The following ADAMTSL3 variants were observed in gnomAD, a reference collection of about 807,000 sequenced individuals.
ADAMTSL3 encodes ADAMTS-like protein 3.
ADAMTSL3 carries 128 observed loss-of-function variants against 201.7 expected under a neutral mutation model. The ratio of observed to expected loss-of-function variants is 0.63; its 90% CI spans 0.55 to 0.73. The LOEUF is 0.73. ADAMTSL3 is among the 30% of genes least tolerant of loss of function. The pLI is 0.00. For synonymous variants in ADAMTSL3, 738 were observed against 748.4 expected, an observed-to-expected ratio of 0.99 and a Z score of 0.23; for missense variants, 1,990 against 2,119.6, an observed-to-expected ratio of 0.94 and a Z score of 1.20.
chr15:83,685,430 A>G (rs1034746942), intron 2 of ADAMTSL3, among the ~76,000 whole-genome samples: 2 of 152,192 alleles, frequency 1.3e-5, no homozygotes, highest in African/African-American at 4.8e-5. Flanking sequence ...GACAACTGTC[A>G]GATGTTCAGA....
intron 7 of ADAMTSL3, among the ~76,000 whole-genome samples, chr15:83,849,231 A>C (rs928085277): frequency 3.9e-5 from 6 of 152,270 alleles, no homozygotes; most frequent in Non-Finnish European, 7.4e-5. Flanking sequence ...GGTTCAAGGA[A>C]TCCTCCTGCC....
chr15:83,739,800 C>T, intron 3 of ADAMTSL3: 1 of 585,742 alleles, frequency 1.7e-6, no homozygotes, highest in South Asian at 1.4e-5. Flanking sequence ...GAGTACATCT[C>T]CATCCACATT....
intron 3 of ADAMTSL3, among the ~76,000 whole-genome samples, chr15:83,763,449 T>C (rs2062840456): frequency 6.6e-6 from 1 of 151,810 alleles, no homozygotes; most frequent in African/African-American, 2.4e-5. Context: ...ACTCTAGGCC[T>C]CAGAAATCTA....
In ADAMTSL3 at chr15:83,983,027, A is replaced by G. The variant is rs572730466; in HGVS notation, c.3399A>G (p.Pro1133=). ...QLVAELAKAQ[P]THMQWRGIQE... is the part of the protein sequence containing the mutation. The stretch of plus-strand genomic sequence containing the variant: ...TGGCCGAATTAGCCAAGGCACAGCC[A>G]ACACACATGCAGTGGCGGGGCATCC... Residue 1133 remains proline, a synonymous_variant, in exon 21 of 30, where the codon CCA becomes CCG. Coordinates refer to ENST00000286744, the MANE Select transcript of ADAMTSL3 (RefSeq NM_207517.3). 1 of 1,614,194 alleles carries G rather than the reference A, an allele frequency of 6.2e-7. No homozygotes were observed. The highest frequency in any genetic ancestry group is 1.1e-5 in the South Asian group (1 of 91,086).
chr15:83,702,957 C>G (rs1194875513), intron 2 of ADAMTSL3, among the ~76,000 whole-genome samples: 1 of 152,156 alleles, frequency 6.6e-6, no homozygotes, highest in Non-Finnish European at 1.5e-5. Context: ...CCTGTGAAAA[C>G]AGCTGGGAGA....
At chr15:83,943,107 G>A in intron 19 of ADAMTSL3, 25 bp downstream of exon 19, 1 of 1,575,708 alleles carries the variant, frequency 6.3e-7, no homozygotes, top group Non-Finnish European at 8.6e-7. Flanking sequence ...CAACTTTATA[G>A]TCCCTTCTTT....
chr15:84,004,768 A>G (rs1477776289), intron 23 of ADAMTSL3, among the ~76,000 whole-genome samples: 2 of 152,214 alleles, frequency 1.3e-5, no homozygotes, highest in South Asian at 2.1e-4. Flanking sequence ...AGGATCAAGG[A>G]AGTGATTTTG....
chr15:83,663,145 C>T (rs541673156), intron 2 of ADAMTSL3, among the ~76,000 whole-genome samples: 75 of 152,242 alleles, frequency 4.9e-4, no homozygotes, highest in African/African-American at 3.6e-4. Context: ...AGTGAGAAGA[C>T]GGAATGCTTC....
At chr15:83,755,807 G>A (rs1050082742) in intron 3 of ADAMTSL3, among the ~76,000 whole-genome samples, 4 of 151,562 alleles carry the variant, frequency 2.6e-5, no homozygotes, top group Non-Finnish European at 5.9e-5. Flanking sequence ...AGGCTGGAGT[G>A]CAGTGGCATG....
intron 3 of ADAMTSL3, among the ~76,000 whole-genome samples, chr15:83,758,728 TC>T (rs2062760712): frequency 6.6e-6 from 1 of 152,232 alleles, no homozygotes; most frequent in South Asian, 2.1e-4. Context: ...TCTATTCATG[TC>T]TTTTGCCCAA....
chr15:83,669,352 G>T (rs1319041064), intron 2 of ADAMTSL3, among the ~76,000 whole-genome samples: 1 of 149,180 alleles, frequency 6.7e-6, no homozygotes, highest in Non-Finnish European at 1.5e-5. Flanking sequence ...CACCATATTG[G>T]CCAGGCTGGT....
rs1281731708 is a variant in ADAMTSL3 at position 83,823,893 on chromosome 15, C to CT, written c.600+3847dup. Among the ~76,000 whole-genome samples the CT allele has an allele frequency of 1.1e-4, 10 of 93,066 alleles. 1 individual carries two copies. Among genetic ancestry groups the CT allele is most frequent in the African/African-American group, 2.9e-4 (6 of 20,580 alleles). 61.1% of individuals were successfully genotyped at this position (93,066 alleles called of 152,430 possible). ...AGACTCCATTTCCTTCTTCTTCTTC[C>CT]TCTTCTTCTTCTTCTTCTTCTTCTT... is the stretch of plus-strand genomic sequence containing the variant. On this transcript the variant is annotated intron_variant, in intron 6 of 29. Transcript: ENST00000286744.
rs115287585 is a variant in ADAMTSL3 at position 83,697,112 on chromosome 15, A to G, written c.70-7277A>G. The stretch of plus-strand genomic sequence containing the variant: ...CTTGTTTAATTGCAATGGGAATCAC[A>G]TTGTGTTTGTTTTAACTGGTGACTG... On this transcript the variant is annotated intron_variant, in intron 2 of 29. Transcript: ENST00000286744. 6.3e-4 allele frequency among the ~76,000 whole-genome samples: 96 copies of G among 152,236 alleles called. 1 individual carries two copies. The highest frequency in any genetic ancestry group is 2.2e-3 in the African/African-American group (90 of 41,546).
chr15:83,665,607 C>T (rs1460959628), intron 2 of ADAMTSL3, among the ~76,000 whole-genome samples: 3 of 152,174 alleles, frequency 2.0e-5, no homozygotes, highest in Non-Finnish European at 2.9e-5. Flanking sequence ...AGCACCAAAG[C>T]TAACATCTTA....
At chr15:83,758,548 CTGTT>C (rs2062756577) in intron 3 of ADAMTSL3, among the ~76,000 whole-genome samples, 1 of 152,122 alleles carries the variant, frequency 6.6e-6, no homozygotes, top group Admixed American at 6.5e-5. Context: ...AACTTTTTTC[CTGTT>C]TGTTTGTTTT....
At chr15:84,037,585 C>T in intron 29 of ADAMTSL3, 115 bp from the exon 30 acceptor site, 1 of 1,197,802 alleles carries the variant, frequency 8.3e-7, no homozygotes, top group Non-Finnish European at 1.1e-6. Context: ...TAACCCAAAG[C>T]TGGTTTCTTC....
intron 4 of ADAMTSL3, 28 bp downstream of exon 4, chr15:83,773,678 A>T: frequency 6.3e-7 from 1 of 1,599,330 alleles, no homozygotes; most frequent in Non-Finnish European, 8.5e-7. Flanking sequence ...TTGCTCCTGC[A>T]TGTGGAATGT....
At chr15:83,998,780 G>A (rs1172839944) in intron 23 of ADAMTSL3, among the ~76,000 whole-genome samples, 2 of 152,160 alleles carry the variant, frequency 1.3e-5, no homozygotes, top group East Asian at 3.9e-4. Flanking sequence ...AACAGGGAAA[G>A]AGATTTTCCC....
At position 83,698,492 on chromosome 15, in the gene ADAMTSL3, C is replaced by T. The variant is rs558129358; in HGVS notation, c.70-5897C>T. 5.1e-3 allele frequency among the ~76,000 whole-genome samples: 781 copies of T among 152,284 alleles called. 6 individuals are homozygous for T. Among genetic ancestry groups the T allele is most frequent in the Non-Finnish European group, 5.3e-3 (360 of 68,028 alleles). On this transcript the variant is annotated intron_variant, in intron 2 of 29. Transcript: ENST00000286744. ...GAGATGATGCATTTTGGCAGCTTCTCTCCTAGGCCTGGCTCAGTGCCCTGG... is the reference window on the plus strand; with the variant it reads ...GAGATGATGCATTTTGGCAGCTTCTTTCCTAGGCCTGGCTCAGTGCCCTGG...
Sources: allele counts gnomAD v4.1 joint callset (sites outside exome capture counted in the v4.1 genomes callset), GRCh38; gene constraint gnomAD v4.1.1; transcripts MANE v1.5; gene names NCBI Gene and HGNC (gene_info 2026-07-23, HGNC 2026-07-21).